The following CYRIB variants were observed in gnomAD, a reference collection of about 807,000 sequenced individuals.
The protein encoded by CYRIB is CYFIP-related Rac1 interactor B.
In CYRIB, 8 loss-of-function variants were observed where a neutral mutation model predicts 44.2. That is an observed-to-expected ratio of 0.18 (90% CI 0.11 to 0.33). The LOEUF (loss-of-function observed/expected upper bound fraction) is 0.33, where lower values mean the gene tolerates loss of function less well. Ranked by LOEUF, CYRIB falls within the 10% of genes least tolerant of loss-of-function variation. The pLI is 1.00. For synonymous variants in CYRIB, 131 were observed against 127.2 expected (o/e 1.03, Z -0.20); for missense variants, 185 against 382.8 (o/e 0.48, Z 4.31).
intron 1 of CYRIB, among the ~76,000 whole-genome samples, chr8:129,928,410 C>G (rs1476211017): frequency 6.6e-6 from 1 of 151,008 alleles, no homozygotes; most frequent in East Asian, 1.9e-4. Context: ...GACAAAGGAC[C>G]TGGATACAAA....
At chr8:129,900,204 A>C (rs980714763) in intron 2 of CYRIB, among the ~76,000 whole-genome samples, 2 of 152,158 alleles carry the variant, frequency 1.3e-5, no homozygotes, top group African/African-American at 4.8e-5. Context: ...TGAGTAAAAA[A>C]AAAATGTGGG....
chr8:129,996,809 G>A (rs554544863), intron 1 of CYRIB, among the ~76,000 whole-genome samples: 1 of 152,010 alleles, frequency 6.6e-6, no homozygotes, highest in African/African-American at 2.4e-5. Flanking sequence ...TCCCTCCGGG[G>A]TATTTTTTTT....
At chr8:129,987,029 C>G (rs1034123740) in intron 1 of CYRIB, among the ~76,000 whole-genome samples, 7 of 152,192 alleles carry the variant, frequency 4.6e-5, no homozygotes, top group Non-Finnish European at 8.8e-5. Flanking sequence ...AGAGACTTCT[C>G]TCACACTTTG....
intron 2 of CYRIB, 124 bp downstream of exon 2, chr8:129,970,819 A>G (rs72718400): frequency 0.04 from 6,169 of 152,328 alleles, 144 homozygotes; most frequent in Middle Eastern, 0.068. Flanking sequence ...TCTTATTTCT[A>G]TGCAACTGAA....
At chr8:129,935,482 G>A (rs2092633066) in intron 1 of CYRIB, among the ~76,000 whole-genome samples, 1 of 152,162 alleles carries the variant, frequency 6.6e-6, no homozygotes, top group African/African-American at 2.4e-5. Flanking sequence ...ATGCTACTAT[G>A]AGAATCTAAT....
intron 5 of CYRIB, among the ~76,000 whole-genome samples, chr8:129,859,730 C>T (rs1278259665): frequency 1.3e-5 from 2 of 152,028 alleles, no homozygotes; most frequent in South Asian, 4.1e-4. Flanking sequence ...GATTATAGAG[C>T]GAGGATTATT....
intron 1 of CYRIB, among the ~76,000 whole-genome samples, chr8:129,927,281 C>G (rs1348603307): frequency 1.3e-5 from 2 of 152,040 alleles, no homozygotes; most frequent in Non-Finnish European, 2.9e-5. Context: ...GACAGTGAGA[C>G]TCTGTCTCCA....
intron 1 of CYRIB, among the ~76,000 whole-genome samples, chr8:129,991,971 A>AAAAAAAAAAAAAAAAAAAAGAGAGAG (rs994697259): frequency 1.5e-5 from 2 of 134,604 alleles, no homozygotes; most frequent in Non-Finnish European, 1.6e-5. Context: ...AAAAAAAAAA[A>AAAAAAAAAAAAAAAAAAAAGAGAGAG]ACAATAGGAA....
chr8:129,908,739 T>C (rs2076660759), intron 1 of CYRIB, among the ~76,000 whole-genome samples: 1 of 152,124 alleles, frequency 6.6e-6, no homozygotes, highest in Admixed American at 6.5e-5. Context: ...CTCTATGTCA[T>C]CCTACACCAT....
At chr8:129,994,551 C>T (rs2096725070) in intron 1 of CYRIB, among the ~76,000 whole-genome samples, 1 of 152,180 alleles carries the variant, frequency 6.6e-6, no homozygotes, top group South Asian at 2.1e-4. Flanking sequence ...CGGCATCAGG[C>T]TGGGGGGCCA....
intron 9 of CYRIB, 43 bp downstream of exon 11, chr8:129,850,792 C>T: frequency 2.2e-6 from 3 of 1,349,346 alleles, no homozygotes; most frequent in Non-Finnish European, 3.2e-6. Context: ...TATCAGTCAT[C>T]TCAACAGCAC....
At chr8:129,856,208 C>T (rs566918859) in intron 5 of CYRIB, among the ~76,000 whole-genome samples, 52 of 152,308 alleles carry the variant, frequency 3.4e-4, no homozygotes, top group Admixed American at 2.0e-3. Flanking sequence ...TGAATACATC[C>T]TTTATTTATA....
chr8:129,999,333 C>CACAGGGAA (rs2096855702), intron 1 of CYRIB, among the ~76,000 whole-genome samples: 1 of 152,198 alleles, frequency 6.6e-6, no homozygotes, highest in South Asian at 2.1e-4. Context: ...AGGCCCGTCT[C>CACAGGGAA]GGGATCCCTG....
At position 129,969,310 on chromosome 8, in the gene CYRIB, G is replaced by A. The variant is rs201471641; in HGVS notation, c.-243+1633C>T. Reference sequence around the variant, plus strand: ...ATTACAGGCGTGAGCCACCGCGGCCGGCCTATCCTCATTTTTGACATTTGC... The same window carrying A: ...ATTACAGGCGTGAGCCACCGCGGCCAGCCTATCCTCATTTTTGACATTTGC... On this transcript the variant is annotated intron_variant, in intron 2 of 14. Transcript: ENST00000401979. 1.9e-4 allele frequency among the ~76,000 whole-genome samples: 29 copies of A among 152,206 alleles called. 1 individual carries two copies. In the East Asian group the frequency reaches 2.3e-3, roughly 12 times the overall value.
intron 4 of CYRIB, among the ~76,000 whole-genome samples, chr8:129,867,392 T>C (rs1327954380): frequency 0.093 from 13 of 140 alleles, no homozygotes; most frequent in Non-Finnish European, 0.021. Flanking sequence ...CCCAAAGTGC[T>C]AGGATTACAG....
At position 129,976,676 on chromosome 8, in the gene CYRIB, G is replaced by C. The variant is rs765838028; in HGVS notation, c.-295-5681C>G. On this transcript the variant is annotated intron_variant, in intron 1 of 14. Coordinates refer to the CYRIB transcript ENST00000401979. The stretch of plus-strand genomic sequence containing the variant: ...GTTTTTCCTTCCAATTTCTCCCTAC[G>C]GCTGCCTCTCTGAGCGTGAATTTGG... 3.9e-5 allele frequency among the ~76,000 whole-genome samples: 6 copies of C among 151,948 alleles called. No individual in the cohort carries two copies. In the South Asian group the frequency reaches 6.2e-4, roughly 16 times the overall value.
At chr8:129,965,808 G>A (rs1188600129) in intron 2 of CYRIB, among the ~76,000 whole-genome samples, 1 of 150,686 alleles carries the variant, frequency 6.6e-6, no homozygotes. Context: ...AAAAAAAAAA[G>A]AATATACATT....
At chr8:129,961,124 T>C in intron 2 of CYRIB, among the ~76,000 whole-genome samples, 1 of 152,250 alleles carries the variant, frequency 6.6e-6, no homozygotes, top group Non-Finnish European at 1.5e-5. Flanking sequence ...AAATCGTGAC[T>C]CTAAATAAGC....
chr8:129,866,485 C>T (rs1318547507), intron 4 of CYRIB, among the ~76,000 whole-genome samples: 1 of 150,440 alleles, frequency 6.6e-6, no homozygotes, highest in Admixed American at 6.6e-5. Context: ...GATCTAAATT[C>T]CTTTCTACTA....
Sources: allele counts gnomAD v4.1 joint callset (sites outside exome capture counted in the v4.1 genomes callset), GRCh38; gene constraint gnomAD v4.1.1; transcripts MANE v1.5; gene names NCBI Gene and HGNC (gene_info 2026-07-23, HGNC 2026-07-21).